The following HEATR5A variants were observed in gnomAD, a reference collection of about 807,000 sequenced individuals.
HEATR5A encodes HEAT repeat-containing protein 5A.
HEATR5A carries 178 observed loss-of-function variants against 218.8 expected under a neutral mutation model. The observed-to-expected ratio is 0.81, with a 90% CI of 0.72 to 0.92. HEATR5A has a LOEUF of 0.92. HEATR5A is among the 40% of genes least tolerant of loss of function. The pLI is 0.00. For synonymous variants in HEATR5A, 864 were observed against 871.6 expected, an observed-to-expected ratio of 0.99 and a Z score of 0.15; for missense variants, 2,420 against 2,418.9, an observed-to-expected ratio of 1.00 and a Z score of -0.01.
At chr14:31,350,780 GTT>G in intron 16 of HEATR5A, 63 bp from the exon 17 acceptor site, 2 of 833,296 alleles carry the variant, frequency 2.4e-6, no homozygotes, top group Non-Finnish European at 3.9e-6. Context: ...TTGTTTGTTT[GTT>G]TGTTTGTTTG....
At position 31,337,600 on chromosome 14, in the gene HEATR5A, G is replaced by T; in HGVS notation, c.3243C>A (p.Ser1081Arg). The T allele has an allele frequency of 6.2e-7, 1 of 1,600,320 alleles. No individual in the cohort carries two copies. Among genetic ancestry groups the T allele is most frequent in the Non-Finnish European group, 8.5e-7 (1 of 1,173,490 alleles). ...CTGCTCTTCTCAGTAACAAGTAGGG[G>T]CTACAAAGATTCACCTGAAAAATAC... is the stretch of plus-strand genomic sequence containing the variant. ...LVSCLCVNLC[S>R]PYLLLRRAVL... Residue 1081 changes from serine to arginine, a missense_variant, in exon 22 of 36, where the codon AGC becomes AGA. Ser to Arg is a moderately radical substitution (Grantham distance 110, BLOSUM62 -1). Coordinates refer to ENST00000543095, the MANE Select transcript of HEATR5A (RefSeq NM_015473.4).
intron 28 of HEATR5A, 83 bp from the exon 29 acceptor site, chr14:31,309,265 T>C (rs1899656392): frequency 2.0e-6 from 3 of 1,463,856 alleles, no homozygotes; most frequent in Non-Finnish European, 1.9e-6. Flanking sequence ...ATAGACCATT[T>C]CCATCACTCC....
At chr14:31,349,144 C>G (rs562468760) in intron 18 of HEATR5A, among the ~76,000 whole-genome samples, 1 of 152,262 alleles carries the variant, frequency 6.6e-6, no homozygotes, top group East Asian at 1.9e-4. Flanking sequence ...AATCCCAGCA[C>G]TTTGGGAGGC....
At chr14:31,367,804 C>T (rs1901861675) in intron 13 of HEATR5A, among the ~76,000 whole-genome samples, 1 of 151,842 alleles carries the variant, frequency 6.6e-6, no homozygotes, top group African/African-American at 2.4e-5. Context: ...CTTAATCTAA[C>T]ATACAAAATT....
intron 22 of HEATR5A, among the ~76,000 whole-genome samples, chr14:31,332,942 C>T (rs968650165): frequency 4.6e-5 from 7 of 150,702 alleles, no homozygotes; most frequent in South Asian, 4.2e-4. Flanking sequence ...GCCAAGATCG[C>T]GCCACTGCAC....
intron 20 of HEATR5A, among the ~76,000 whole-genome samples, chr14:31,344,633 G>A (rs948196697): frequency 6.6e-6 from 1 of 150,714 alleles, no homozygotes; most frequent in Non-Finnish European, 1.5e-5. Flanking sequence ...AAATTATTAG[G>A]CAAAGAAGAA....
chr14:31,395,244 G>A lies in HEATR5A; in HGVS notation c.552C>T (p.Ser184=), dbSNP rs1432092440. 2.0e-6 allele frequency: 3 copies of A among 1,533,888 alleles called. No homozygotes were observed. The highest frequency in any genetic ancestry group is 8.7e-7 in the Non-Finnish European group (1 of 1,145,100). The change falls in exon 5 of 36, where the codon TCC becomes TCT. Residue 184 remains serine (S), a synonymous_variant. Transcript: ENST00000543095. ...CHRDVYKAAR[S]CLTDRSMAVR... is the part of the protein sequence containing the mutation. ...CAGCCATGGATCTATCTGTCAAGCA[G>A]GATCTAGCAGCTTTATAAACATCCC...
chr14:31,372,268 T>G (rs1483518752), intron 12 of HEATR5A, among the ~76,000 whole-genome samples: 1 of 151,522 alleles, frequency 6.6e-6, no homozygotes, highest in Non-Finnish European at 1.5e-5. Context: ...GGAATCACAC[T>G]GACTTTCAAG....
intron 10 of HEATR5A, among the ~76,000 whole-genome samples, chr14:31,381,872 G>A (rs531343563): frequency 2.0e-5 from 3 of 152,152 alleles, no homozygotes; most frequent in Non-Finnish European, 4.4e-5. Flanking sequence ...CACAGTACAA[G>A]GCCAGAGAGC....
At chr14:31,338,803 T>C (rs1421568447) in intron 21 of HEATR5A, among the ~76,000 whole-genome samples, 1 of 152,000 alleles carries the variant, frequency 6.6e-6, no homozygotes, top group African/African-American at 2.4e-5. Flanking sequence ...AAAAGGTAGG[T>C]AGTAGGAGCT....
At chr14:31,404,089 G>C (rs1038602593) in intron 1 of HEATR5A, among the ~76,000 whole-genome samples, 2 of 152,040 alleles carry the variant, frequency 1.3e-5, no homozygotes, top group African/African-American at 4.8e-5. Context: ...ACAACAAAAA[G>C]TAGAAAAAAT....
chr14:31,340,937 G>A (rs925685824), intron 21 of HEATR5A, among the ~76,000 whole-genome samples: 2 of 152,210 alleles, frequency 1.3e-5, no homozygotes, highest in South Asian at 4.1e-4. Flanking sequence ...AGAATTGCTA[G>A]TGTAGCTAAG....
intron 22 of HEATR5A, among the ~76,000 whole-genome samples, chr14:31,328,701 G>A (rs1174185741): frequency 6.6e-6 from 1 of 152,074 alleles, no homozygotes; most frequent in Non-Finnish European, 1.5e-5. Flanking sequence ...CCAACATGGT[G>A]AAACCCCATC....
chr14:31,402,666 A>G (rs2030922672), intron 2 of HEATR5A, among the ~76,000 whole-genome samples, 184 bp downstream of exon 2: 1 of 152,210 alleles, frequency 6.6e-6, no homozygotes, highest in Non-Finnish European at 1.5e-5. Flanking sequence ...TGAATAGCGA[A>G]AACTTCTTCT....
At chr14:31,409,655 G>C (rs1366324865) in intron 1 of HEATR5A, among the ~76,000 whole-genome samples, 1 of 152,014 alleles carries the variant, frequency 6.6e-6, no homozygotes, top group African/African-American at 2.4e-5. Flanking sequence ...GGCCAAGATC[G>C]CGCCACTGCA....
At chr14:31,299,122 C>G (rs1899283886) in intron 33 of HEATR5A, among the ~76,000 whole-genome samples, 1 of 152,214 alleles carries the variant, frequency 6.6e-6, no homozygotes, top group South Asian at 2.1e-4. Context: ...GTTACACTGA[C>G]AGCTCCCAAA....
chr14:31,394,923 A>C (rs900714437), intron 5 of HEATR5A, among the ~76,000 whole-genome samples: 1 of 152,210 alleles, frequency 6.6e-6, no homozygotes, highest in Admixed American at 6.5e-5. Flanking sequence ...CTCACATGTA[A>C]ATTTTAATTT....
At position 31,394,061 on chromosome 14, in the gene HEATR5A, G is replaced by C. The variant is rs1186745830; in HGVS notation, c.763C>G (p.Pro255Ala). ...ILAKAVISKH[P>A]GTAASRQSIR... ...AATTACATGTATTTACCTGTTCCTG[G>C]ATGTTTAGAAATTACAGCTTTAGCT... Residue 255 changes from proline to alanine, a missense_variant, in exon 6 of 36, where the codon CCA (proline) becomes GCA (alanine). Pro to Ala is a conservative substitution (Grantham distance 27, BLOSUM62 -1). Coordinates refer to ENST00000543095, the MANE Select transcript of HEATR5A (RefSeq NM_015473.4). 6.6e-7 allele frequency: 1 copy of C among 1,517,894 alleles called. No homozygotes were observed. The highest frequency in any genetic ancestry group is 8.8e-7 in the Non-Finnish European group (1 of 1,137,774). 94.0% of individuals were successfully genotyped at this position (1,517,894 alleles called of 1,614,324 possible).
At chr14:31,379,798 A>T (rs76252538) in intron 11 of HEATR5A, among the ~76,000 whole-genome samples, 1,810 of 152,124 alleles carry the variant, frequency 0.012, 28 homozygotes, top group African/African-American at 0.04. Context: ...TACAAAAAAA[A>T]TTTTTTTAAA....
Sources: allele counts gnomAD v4.1 joint callset (sites outside exome capture counted in the v4.1 genomes callset), GRCh38; gene constraint gnomAD v4.1.1; transcripts MANE v1.5; gene names NCBI Gene and HGNC (gene_info 2026-07-23, HGNC 2026-07-21).